The following CPA4 variants were observed in gnomAD, a reference collection of about 807,000 sequenced individuals.
The protein encoded by CPA4 is carboxypeptidase A3.
Under a neutral mutation model 54.7 loss-of-function variants are expected in CPA4, and 49 were observed. The ratio of observed to expected loss-of-function variants is 0.90; its 90% CI spans 0.71 to 1.14. CPA4 has a LOEUF of 1.14. Among genes scored for constraint, CPA4 ranks in the 50% most tolerant of loss-of-function variants. CPA4 has a pLI of 0.00. For synonymous variants in CPA4, 215 were observed against 206.8 expected (o/e 1.04, Z -0.34); for missense variants, 487 against 525.1 (o/e 0.93, Z 0.71).
In CPA4 at chr7:130,299,372, T is replaced by C; in HGVS notation, c.253T>C (p.Leu85=). The C allele has an allele frequency of 6.2e-7, 1 of 1,614,106 alleles. No individual in the cohort carries two copies. The highest frequency in any genetic ancestry group is 8.5e-7 in the Non-Finnish European group (1 of 1,179,932). ...AFKSFLRSQG[L]EYAVTIEDLQ... is the part of the protein sequence containing the mutation. ...TAAATCCTTCCTGAGATCCCAGGGC[T>C]TAGAGTACGCAGTGACAATTGAGGA... is the stretch of plus-strand genomic sequence containing the variant. The change falls in exon 3 of 11, where the codon TTA becomes CTA. Residue 85 remains leucine, a synonymous_variant. Transcript: ENST00000222482.
rs75787589 is a variant in CPA4, at chr7:130,295,112, C to T, written c.68+1864C>T. 7.7e-4 allele frequency among the ~76,000 whole-genome samples: 117 copies of T among 152,360 alleles called. 1 individual carries two copies. In the East Asian group the frequency reaches 0.016, roughly 21 times the overall value. On this transcript the variant is annotated intron_variant, in intron 1 of 10. Coordinates refer to ENST00000222482, the MANE Select transcript of CPA4 (RefSeq NM_016352.4). Reference sequence around the variant, plus strand: ...CAGGAACCAGTTGCAGAGCTGGTTACAGCATCAACAGTAGCTGGCAGGCAT... The same window carrying T: ...CAGGAACCAGTTGCAGAGCTGGTTATAGCATCAACAGTAGCTGGCAGGCAT...
chr7:130,294,153 C>A (rs546390547), intron 1 of CPA4, among the ~76,000 whole-genome samples: 1 of 152,214 alleles, frequency 6.6e-6, no homozygotes, highest in South Asian at 2.1e-4. Context: ...AAAAATCAGC[C>A]TTAGAATGTT....
chr7:130,306,639 G>A (rs1793825224), intron 6 of CPA4, 148 bp from the exon 7 acceptor site: 4 of 599,874 alleles, frequency 6.7e-6, no homozygotes, highest in Non-Finnish European at 8.9e-6. Context: ...CAGAGCCTCT[G>A]AGGGTGGCAG....
At chr7:130,306,167 G>A (rs1793818059) in intron 6 of CPA4, 16 of 543,598 alleles carry the variant, frequency 2.9e-5, no homozygotes, top group South Asian at 2.7e-4. Context: ...GCCTCTGAGA[G>A]CAGTCCACTC....
intron 10 of CPA4, among the ~76,000 whole-genome samples, chr7:130,318,707 G>C (rs866539870): frequency 6.6e-6 from 1 of 152,100 alleles, no homozygotes; most frequent in East Asian, 1.9e-4. Context: ...CACAGCACCC[G>C]GCCAAAATGT....
Position 130,306,861 on chromosome 7 carries a change from G to A in CPA4, c.666G>A (p.Val222=). The A allele has an allele frequency of 6.2e-7, 1 of 1,609,866 alleles. No individual in the cohort carries two copies. The highest frequency in any genetic ancestry group is 8.5e-7 in the Non-Finnish European group (1 of 1,176,120). The part of the protein sequence containing the change: ...LEKMDIFLLP[V]ANPDGYVYTQ... ...AAATGGATATTTTCTTGTTGCCTGT[G>A]GCCAATCCTGATGGATATGTGTATA... Residue 222 remains valine (V), a synonymous_variant, in exon 7 of 11, where the codon GTG becomes GTA. Transcript: ENST00000222482.
chr7:130,308,243 C>G, intron 7 of CPA4, 64 bp from the exon 8 acceptor site: 5 of 1,402,472 alleles, frequency 3.6e-6, no homozygotes, highest in Non-Finnish European at 5.1e-6. Flanking sequence ...CATCTCCACC[C>G]TAGCCCTCTT....
Position 130,299,441 on chromosome 7 carries a change from T to G in CPA4, c.285+37T>G, listed in dbSNP as rs375149606. On this transcript the variant is annotated intron_variant, in intron 3 of 10. Transcript: ENST00000222482. ...ATGCCTCCTGCCTCCTGCTCTTGCATAGGACCAGGCAGCCAGTCCAGAGTA... is the reference window on the plus strand; with the variant it reads ...ATGCCTCCTGCCTCCTGCTCTTGCAGAGGACCAGGCAGCCAGTCCAGAGTA... The G allele has an allele frequency of 1.6e-5, 26 of 1,605,078 alleles. No homozygotes were observed. The African/African-American group carries it at 2.3e-4, about 14-fold the overall frequency.
intron 9 of CPA4, 109 bp from the exon 10 acceptor site, chr7:130,311,929 G>A: frequency 1.3e-6 from 1 of 795,812 alleles, no homozygotes; most frequent in South Asian, 1.5e-5. Context: ...GACCAGAAAG[G>A]AAATCGGGGG....
Position 130,322,992 on chromosome 7 carries a change from C to A in CPA4, c.*316C>A. The A allele has an allele frequency of 3.8e-6, 1 of 262,002 alleles. No individual in the cohort carries two copies. Among genetic ancestry groups the A allele is most frequent in the Non-Finnish European group, 7.3e-6 (1 of 137,514 alleles). The allele number at this position is 262,002 out of a possible 1,614,324, so 16.2% of individuals were successfully genotyped here. A position where few individuals can be genotyped will look rare whatever the true frequency, so the allele number is the denominator to read the frequency against. On this transcript the variant is annotated 3_prime_UTR_variant, in exon 11 of 11. Transcript: ENST00000222482. Reference sequence around the variant, plus strand: ...CTGGGTGGCATGTCTCTCTCTACCTCATTTTTAGAACCAAAGAACATCTGA... The same window carrying A: ...CTGGGTGGCATGTCTCTCTCTACCTAATTTTTAGAACCAAAGAACATCTGA...
intron 10 of CPA4, among the ~76,000 whole-genome samples, chr7:130,313,221 C>T (rs1183713561): frequency 6.6e-6 from 1 of 152,106 alleles, no homozygotes; most frequent in Admixed American, 6.6e-5. Context: ...AGGATTCTGT[C>T]AGTTAAATAT....
chr7:130,317,752 C>T (rs1794013028), intron 10 of CPA4, among the ~76,000 whole-genome samples: 1 of 152,160 alleles, frequency 6.6e-6, no homozygotes, highest in Non-Finnish European at 1.5e-5. Flanking sequence ...CAGGCGTGAG[C>T]CACCTCGCCC....
chr7:130,322,201 T>C (rs1324106817), intron 10 of CPA4, among the ~76,000 whole-genome samples: 1 of 152,150 alleles, frequency 6.6e-6, no homozygotes, highest in Non-Finnish European at 1.5e-5. Context: ...CCTACTATAC[T>C]CTCTATAGAG....
chr7:130,315,518 C>A (rs1167965039), intron 10 of CPA4, among the ~76,000 whole-genome samples: 1 of 151,944 alleles, frequency 6.6e-6, no homozygotes, highest in East Asian at 1.9e-4. Context: ...TTAGTAGGGC[C>A]TGTGCAAGTG....
chr7:130,308,263 G>A lies in CPA4; in HGVS notation c.703-44G>A, dbSNP rs1315668961. The A allele has an allele frequency of 2.6e-6, 4 of 1,538,920 alleles. No homozygotes were observed. In the East Asian group the frequency reaches 9.0e-5, roughly 35 times the overall value. ...CCACCCTAGCCCTCTTCGGTGATCT[G>A]ATCTGCCTCTGGTTGTTTGTCCCCT... On this transcript the variant is annotated intron_variant, in intron 7 of 10. Transcript: ENST00000222482.
At chr7:130,306,996 T>G in intron 7 of CPA4, 99 bp downstream of exon 7, 1 of 726,652 alleles carries the variant, frequency 1.4e-6, no homozygotes, top group Non-Finnish European at 2.5e-6. Context: ...ATGTGCACCT[T>G]ATGAGCTTCC....
At chr7:130,309,130 G>T (rs1320253848) in intron 8 of CPA4, among the ~76,000 whole-genome samples, 1 of 152,228 alleles carries the variant, frequency 6.6e-6, no homozygotes, top group Non-Finnish European at 1.5e-5. Context: ...ACAGGCATGA[G>T]CCATCGCATC....
chr7:130,309,193 A>G (rs1475241629), intron 8 of CPA4, among the ~76,000 whole-genome samples: 1 of 152,202 alleles, frequency 6.6e-6, no homozygotes, highest in Non-Finnish European at 1.5e-5. Flanking sequence ...AAAGGGAATG[A>G]TAGTGATGTC....
chr7:130,313,891 G>A (rs867334059), intron 10 of CPA4, among the ~76,000 whole-genome samples: 1 of 152,198 alleles, frequency 6.6e-6, no homozygotes, highest in Non-Finnish European at 1.5e-5. Flanking sequence ...AATTAAAGAC[G>A]GGGTGTTTTT....
Sources: allele counts gnomAD v4.1 joint callset (sites outside exome capture counted in the v4.1 genomes callset), GRCh38; gene constraint gnomAD v4.1.1; transcripts MANE v1.5; gene names NCBI Gene and HGNC (gene_info 2026-07-23, HGNC 2026-07-21).